Variants in DOP1B observed in about 807,000 individuals in gnomAD.
DOP1B encodes protein DOP1B.
DOP1B carries 174 observed loss-of-function variants against 233.5 expected under a neutral mutation model. That is an observed-to-expected ratio of 0.75 (90% CI 0.66 to 0.85). The LOEUF (loss-of-function observed/expected upper bound fraction) is 0.85, where lower values mean the gene tolerates loss of function less well. Ranked by LOEUF, DOP1B falls within the 40% of genes least tolerant of loss-of-function variation. The pLI is 0.00. For synonymous variants in DOP1B, 1,190 were observed against 1,185.6 expected, an observed-to-expected ratio of 1.00 and a Z score of -0.08; for missense variants, 2,652 against 2,846.6, an observed-to-expected ratio of 0.93 and a Z score of 1.56.
chr21:36,262,112 G>T (rs2067178207), intron 24 of DOP1B, among the ~76,000 whole-genome samples: 1 of 152,160 alleles, frequency 6.6e-6, no homozygotes, highest in African/African-American at 2.4e-5. Flanking sequence ...AGGCCTCCTG[G>T]TAGATGACCA....
intron 15 of DOP1B, among the ~76,000 whole-genome samples, chr21:36,235,864 G>GGC (rs1555893476): frequency 2.7e-5 from 2 of 74,908 alleles, no homozygotes; most frequent in Admixed American, 1.5e-4. Flanking sequence ...CAAGGAAGTC[G>GGC]GGGGGGGGGC....
At chr21:36,291,477 T>G (rs2067559088) in intron 35 of DOP1B, among the ~76,000 whole-genome samples, 1 of 151,910 alleles carries the variant, frequency 6.6e-6, no homozygotes, top group Admixed American at 6.6e-5. Context: ...AGAGAATTGC[T>G]TGAACCTGGG....
chr21:36,265,495 T>C (rs2067220567), intron 26 of DOP1B, among the ~76,000 whole-genome samples: 1 of 152,214 alleles, frequency 6.6e-6, no homozygotes, highest in Non-Finnish European at 1.5e-5. Flanking sequence ...GAAGAAAACG[T>C]TACAATGCCG....
intron 2 of DOP1B, among the ~76,000 whole-genome samples, chr21:36,198,033 AAAG>A (rs1301566616): frequency 6.6e-6 from 1 of 151,830 alleles, no homozygotes; most frequent in South Asian, 2.1e-4. Flanking sequence ...AAAAAAAAAA[AAAG>A]AAGCGTGAAC....
At chr21:36,272,633 C>T (rs1409350883) in intron 27 of DOP1B, among the ~76,000 whole-genome samples, 5 of 131,272 alleles carry the variant, frequency 3.8e-5, no homozygotes, top group East Asian at 2.3e-4. Context: ...GGTGACAGAG[C>T]GACCAAACTC....
chr21:36,189,751 C>A (rs143909337), intron 2 of DOP1B, among the ~76,000 whole-genome samples: 2,556 of 152,004 alleles, frequency 0.017, 35 homozygotes, highest in Non-Finnish European at 0.027. Flanking sequence ...TGGCTCACGC[C>A]TGTAATCCCA....
chr21:36,257,328 G>A (rs968985527), intron 23 of DOP1B, among the ~76,000 whole-genome samples: 12 of 152,168 alleles, frequency 7.9e-5, no homozygotes, highest in African/African-American at 2.4e-4. Flanking sequence ...CAACCGTGTC[G>A]AAGTGTGATT....
intron 27 of DOP1B, among the ~76,000 whole-genome samples, chr21:36,270,552 C>CAAAA (rs398040600): frequency 0.24 from 8,850 of 36,850 alleles, 1,888 homozygotes; most frequent in Middle Eastern, 0.32. Flanking sequence ...GACTCCGTCT[C>CAAAA]AAAAAAAAAA....
At chr21:36,163,871 T>A (rs764434355) in intron 1 of DOP1B, among the ~76,000 whole-genome samples, 1 of 152,246 alleles carries the variant, frequency 6.6e-6, no homozygotes, top group East Asian at 1.9e-4. Context: ...TTTGTGACTT[T>A]CGTGCATGTT....
At chr21:36,271,571 C>A (rs538667953) in intron 27 of DOP1B, among the ~76,000 whole-genome samples, 9 of 152,152 alleles carry the variant, frequency 5.9e-5, no homozygotes, top group African/African-American at 2.2e-4. Flanking sequence ...TGCGCCCGGC[C>A]CAGACTCTTC....
At chr21:36,161,960 G>T (rs2065873343) in intron 1 of DOP1B, among the ~76,000 whole-genome samples, 3 of 152,168 alleles carry the variant, frequency 2.0e-5, no homozygotes, top group Admixed American at 6.5e-5. Flanking sequence ...TTGCCTCAGC[G>T]TTCCTTTGTG....
In DOP1B at chr21:36,227,251, A is replaced by T. The variant is rs1245192792; in HGVS notation, c.1474-435A>T. 2.7e-5 allele frequency among the ~76,000 whole-genome samples: 4 copies of T among 147,864 alleles called. No homozygotes were observed. In the Admixed American group the frequency reaches 2.7e-4, roughly 10 times the overall value. On this transcript the variant is annotated intron_variant, in intron 12 of 36. Coordinates refer to ENST00000691173, the MANE Select transcript of DOP1B (RefSeq NM_001320714.2). ...ATAAATAAAATAAAATAAAATAAAA[A>T]AGAAAATTAATGTGGGTCAGGCACG... is the stretch of plus-strand genomic sequence containing the variant.
At chr21:36,189,098 G>T (rs965004206) in intron 2 of DOP1B, among the ~76,000 whole-genome samples, 1 of 152,084 alleles carries the variant, frequency 6.6e-6, no homozygotes, top group Non-Finnish European at 1.5e-5. Context: ...AAATCATGCC[G>T]TGTCCTGGGG....
intron 14 of DOP1B, among the ~76,000 whole-genome samples, chr21:36,231,398 C>A (rs1177596657): frequency 6.6e-6 from 1 of 152,190 alleles, no homozygotes; most frequent in African/African-American, 2.4e-5. Context: ...TTGGAATTTT[C>A]AGATTAGAGA....
chr21:36,254,023 T>G, intron 23 of DOP1B, 114 bp downstream of exon 23: 7 of 1,333,270 alleles, frequency 5.3e-6, no homozygotes, highest in Non-Finnish European at 5.1e-6. Context: ...CAAGAGCTAG[T>G]GGGAATGCTT....
intron 27 of DOP1B, 102 bp downstream of exon 27, chr21:36,270,259 G>C (rs757463510): frequency 7.3e-7 from 1 of 1,365,512 alleles, no homozygotes; most frequent in Non-Finnish European, 1.0e-6. Flanking sequence ...AAGAAAGAAA[G>C]TACTTAAGGT....
At chr21:36,227,025 G>GA (rs2066693425) in intron 12 of DOP1B, among the ~76,000 whole-genome samples, 1 of 151,600 alleles carries the variant, frequency 6.6e-6, no homozygotes, top group African/African-American at 2.4e-5. Flanking sequence ...CTAACACGGT[G>GA]AAACCCCGTC....
intron 23 of DOP1B, among the ~76,000 whole-genome samples, chr21:36,256,711 T>A (rs1470021222): frequency 6.6e-6 from 1 of 151,520 alleles, no homozygotes; most frequent in Non-Finnish European, 1.5e-5. Context: ...TTGAAGACAT[T>A]AAGTTGAATG....
At position 36,223,237 on chromosome 21, in the gene DOP1B, C is replaced by T. The variant is rs2066646552; in HGVS notation, c.1257C>T (p.Ile419=). 6.3e-7 allele frequency: 1 copy of T among 1,599,034 alleles called. No individual in the cohort carries two copies. Among genetic ancestry groups the T allele is most frequent in the Non-Finnish European group, 8.5e-7 (1 of 1,175,812 alleles). The change falls in exon 11 of 37, where the codon ATC becomes ATT. Residue 419 remains isoleucine (I), a synonymous_variant. Transcript: ENST00000691173. ...TQSGNSLISA[I]KENRNASEIV... ...ATGTCCTCCCCTTTTACAGTGCAAT[C>T]AAGGAAAACAGAAATGCCTCTGAGA...
Sources: allele counts gnomAD v4.1 joint callset (sites outside exome capture counted in the v4.1 genomes callset), GRCh38; gene constraint gnomAD v4.1.1; transcripts MANE v1.5; gene names NCBI Gene and HGNC (gene_info 2026-07-23, HGNC 2026-07-21).